Variants in HHAT observed in about 807,000 individuals in gnomAD.
The protein encoded by HHAT is hedgehog acyltransferase, also known as protein-cysteine N-palmitoyltransferase HHAT.
Under a neutral mutation model 70.8 loss-of-function variants are expected in HHAT, and 47 were observed. The ratio of observed to expected loss-of-function variants is 0.66; its 90% CI spans 0.53 to 0.85. HHAT has a LOEUF of 0.85. HHAT is among the 40% of genes least tolerant of loss of function. HHAT has a pLI of 0.00. For synonymous variants in HHAT, 228 were observed against 247.6 expected, an observed-to-expected ratio of 0.92 and a Z score of 0.74; for missense variants, 609 against 604.8, an observed-to-expected ratio of 1.01 and a Z score of -0.07.
At chr1:210,650,775 G>A (rs1046687439) in intron 11 of HHAT, among the ~76,000 whole-genome samples, 1 of 152,168 alleles carries the variant, frequency 6.6e-6, no homozygotes, top group South Asian at 2.1e-4. Context: ...TGCTTATAAT[G>A]TGTTGTGGGT....
At chr1:210,465,573 G>A (rs1410830008) in intron 8 of HHAT, among the ~76,000 whole-genome samples, 4 of 152,102 alleles carry the variant, frequency 2.6e-5, no homozygotes, top group Non-Finnish European at 5.9e-5. Context: ...CAAACTCTGG[G>A]CTAGATCCTT....
chr1:210,617,748 T>C (rs974728631), intron 10 of HHAT, among the ~76,000 whole-genome samples: 2 of 152,246 alleles, frequency 1.3e-5, no homozygotes, highest in Non-Finnish European at 2.9e-5. Context: ...AAATCTGGCT[T>C]TGCCTTCATT....
At chr1:210,610,831 C>A (rs116453021) in intron 10 of HHAT, among the ~76,000 whole-genome samples, 3 of 151,886 alleles carry the variant, frequency 2.0e-5, no homozygotes, top group African/African-American at 7.3e-5. Context: ...TATAGGTATG[C>A]GGTCTCATTT....
In HHAT at chr1:210,604,749, C is replaced by T. The variant is rs1665037018; in HGVS notation, c.1245+16650C>T. Among the ~76,000 whole-genome samples, 6 of 152,208 alleles carry T rather than the reference C, an allele frequency of 3.9e-5. 1 individual carries two copies. The South Asian group carries it at 1.2e-3, about 32-fold the overall frequency. ...AAAAATTGAAAGTTGGATGTAGTGG[C>T]TCATACCTATAATCCCAACACTTTG... On this transcript the variant is annotated intron_variant, in intron 10 of 11. Coordinates refer to ENST00000261458, the MANE Select transcript of HHAT (RefSeq NM_018194.6).
intron 7 of HHAT, among the ~76,000 whole-genome samples, chr1:210,464,003 G>A (rs2094038961): frequency 1.3e-5 from 2 of 152,176 alleles, no homozygotes; most frequent in South Asian, 4.1e-4. Flanking sequence ...TCACATCAGG[G>A]TAAATAGGGT....
intron 9 of HHAT, among the ~76,000 whole-genome samples, chr1:210,521,101 CAAAT>C (rs2095150167): frequency 6.6e-6 from 1 of 152,182 alleles, no homozygotes; most frequent in Non-Finnish European, 1.5e-5. Context: ...TTTTTTTCCA[CAAAT>C]AGATTTTGCA....
At chr1:210,462,215 C>G (rs1256782763) in intron 7 of HHAT, 2 of 152,240 alleles carry the variant, frequency 1.3e-5, no homozygotes, top group African/African-American at 4.8e-5. Context: ...TGTGGTGCTT[C>G]ATATAGGCAA....
intron 3 of HHAT, among the ~76,000 whole-genome samples, chr1:210,381,597 G>C (rs1022176329): frequency 6.6e-6 from 1 of 152,030 alleles, no homozygotes; most frequent in African/African-American, 2.4e-5. Flanking sequence ...CATTTTTAAG[G>C]CTTACCCATG....
At chr1:210,628,843 C>T (rs1333142895) in intron 11 of HHAT, among the ~76,000 whole-genome samples, 1 of 152,196 alleles carries the variant, frequency 6.6e-6, no homozygotes, top group Non-Finnish European at 1.5e-5. Flanking sequence ...TAAATAGAAA[C>T]TCATTCCCAT....
chr1:210,587,992 G>A lies in HHAT; in HGVS notation c.1138G>A (p.Gly380Ser), dbSNP rs1319221366. Residue 380 changes from glycine to serine, a missense_variant, in exon 10 of 12, where the codon GGC becomes AGC. Physicochemically the swap from Gly to Ser is moderately conservative, Grantham distance 56 (BLOSUM62 0). Coordinates refer to ENST00000261458, the MANE Select transcript of HHAT (RefSeq NM_018194.6). ...MTFAFVSYWH[G>S]GYDYLWCWAA... ...ATTTGCATTTGTGAGCTACTGGCAT[G>A]GCGGCTACGACTACCTCTGGTGCTG... The A allele has an allele frequency of 1.2e-6, 2 of 1,614,004 alleles. No individual in the cohort carries two copies.
At chr1:210,432,204 A>G (rs2093265950) in intron 7 of HHAT, among the ~76,000 whole-genome samples, 2 of 151,820 alleles carry the variant, frequency 1.3e-5, no homozygotes. Context: ...CACACATGTG[A>G]TAACTGAGGC....
intron 9 of HHAT, among the ~76,000 whole-genome samples, chr1:210,577,913 T>C (rs1658270746): frequency 6.6e-6 from 1 of 152,120 alleles, no homozygotes; most frequent in Non-Finnish European, 1.5e-5. Flanking sequence ...CTCAAAGTTC[T>C]GGGGTTACAG....
intron 10 of HHAT, among the ~76,000 whole-genome samples, chr1:210,622,751 C>T (rs988123645): frequency 7.2e-5 from 11 of 152,204 alleles, no homozygotes; most frequent in African/African-American, 2.7e-4. Context: ...TGAGATTGCT[C>T]TTAATAGCAT....
At chr1:210,478,478 T>A (rs972721095) in intron 8 of HHAT, among the ~76,000 whole-genome samples, 2 of 146,682 alleles carry the variant, frequency 1.4e-5, no homozygotes, top group Non-Finnish European at 3.1e-5. Flanking sequence ...TCCTTGGCTA[T>A]TGGGATGGTG....
chr1:210,463,537 A>G (rs781544264), intron 7 of HHAT, among the ~76,000 whole-genome samples: 87 of 152,220 alleles, frequency 5.7e-4, no homozygotes, highest in Middle Eastern at 3.2e-3. Flanking sequence ...GTGTCTATCC[A>G]TGCATTTGTT....
At chr1:210,517,961 T>TA (rs1025234530) in intron 9 of HHAT, among the ~76,000 whole-genome samples, 6 of 152,018 alleles carry the variant, frequency 3.9e-5, no homozygotes, top group East Asian at 3.9e-4. Context: ...ATCATGACTT[T>TA]AAAAAAAATT....
At chr1:210,517,874 C>G (rs2148596776) in intron 9 of HHAT, among the ~76,000 whole-genome samples, 1 of 152,244 alleles carries the variant, frequency 6.6e-6, no homozygotes, top group South Asian at 2.1e-4. Context: ...TTGCCTCCCC[C>G]ACCTCTGACT....
intron 3 of HHAT, among the ~76,000 whole-genome samples, chr1:210,374,421 A>T (rs781775839): frequency 3.3e-5 from 5 of 152,236 alleles, no homozygotes; most frequent in African/African-American, 4.8e-5. Context: ...AGTCAAAAGA[A>T]ATATTCTTTT....
intron 2 of HHAT, among the ~76,000 whole-genome samples, chr1:210,349,592 C>G (rs1040993802): frequency 6.6e-6 from 1 of 151,500 alleles, no homozygotes; most frequent in African/African-American, 2.4e-5. Context: ...CTGAGTCCCA[C>G]GGGCACAGCT....
Sources: allele counts gnomAD v4.1 joint callset (sites outside exome capture counted in the v4.1 genomes callset), GRCh38; gene constraint gnomAD v4.1.1; transcripts MANE v1.5; gene names NCBI Gene and HGNC (gene_info 2026-07-23, HGNC 2026-07-21).